The following KLF15 variants were observed in gnomAD, a reference collection of about 807,000 sequenced individuals.
The protein encoded by KLF15 is Krueppel-like factor 15.
Under a neutral mutation model 24.6 loss-of-function variants are expected in KLF15, and 4 were observed. The ratio of observed to expected loss-of-function variants is 0.16; its 90% CI spans 0.08 to 0.37. The LOEUF (loss-of-function observed/expected upper bound fraction) is 0.37. Ranked by LOEUF, KLF15 falls within the 10% of genes least tolerant of loss-of-function variation. The pLI, the probability that KLF15 is intolerant of heterozygous loss-of-function variation, is 1.00. For missense variants in KLF15, 496 were observed against 560.6 expected (o/e 0.88, Z 1.16); for synonymous variants, 246 against 236.3 (o/e 1.04, Z -0.37).
the KLF15 span, among the ~76,000 whole-genome samples, chr3:126,334,280 G>A: frequency 7.3e-5 from 11 of 150,074 alleles, no homozygotes; most frequent in African/African-American, 2.2e-4. Flanking sequence ...ACTCAAAGCC[G>A]CTCAACTACA....
At position 126,352,354 on chromosome 3, in the gene KLF15, T is replaced by C. The variant is rs1318456151; in HGVS notation, c.569A>G (p.Glu190Gly). ...ACCACCTGGTGGAGGGGAACAGCGC[T>C]CTCTCCCGCTGGACCCAGGATGGAG... ...SHLHPGSSGR[E>G]RCSPPPGGAS... The change falls in exon 2 of 3, where the codon GAG (glutamate) becomes GGG (glycine). Residue 190 changes from glutamate (E) to glycine (G), a missense_variant. Physicochemically the swap from Glu to Gly is moderately conservative, Grantham distance 98. Around this residue, in one of 3 missense-constraint regions of KLF15, gnomAD observed 399 missense variants for 423.1 expected, o/e 0.94. Coordinates refer to ENST00000296233, the MANE Select transcript of KLF15 (RefSeq NM_014079.4). The C allele has an allele frequency of 6.2e-7, 1 of 1,600,886 alleles. No individual in the cohort carries two copies. The highest frequency in any genetic ancestry group is 1.1e-5 in the South Asian group (1 of 88,844).
chr3:126,321,504 C>A, the KLF15 span, among the ~76,000 whole-genome samples: 1 of 152,208 alleles, frequency 6.6e-6, no homozygotes, highest in Non-Finnish European at 1.5e-5. Flanking sequence ...GTATAGGGAC[C>A]ACACATGCAT....
the KLF15 span, among the ~76,000 whole-genome samples, chr3:126,336,316 C>T: frequency 9.3e-4 from 111 of 119,654 alleles, no homozygotes; most frequent in African/African-American, 3.9e-3. Flanking sequence ...GAAAAACAAG[C>T]AATGGGGAAA....
intron 2 of KLF15, among the ~76,000 whole-genome samples, chr3:126,349,754 C>T (rs990636702): frequency 6.6e-6 from 1 of 152,182 alleles, no homozygotes; most frequent in African/African-American, 2.4e-5. Context: ...AACCTGAGCC[C>T]GACTAAGGAG....
the KLF15 span, among the ~76,000 whole-genome samples, chr3:126,298,080 C>T: frequency 6.6e-6 from 1 of 152,144 alleles, no homozygotes; most frequent in East Asian, 1.9e-4. Flanking sequence ...TGTAGAAATG[C>T]TCCCTTTTCA....
At chr3:126,326,652 T>C in the KLF15 span, among the ~76,000 whole-genome samples, 4 of 152,210 alleles carry the variant, frequency 2.6e-5, no homozygotes, top group Admixed American at 2.6e-4. Context: ...CTTTAGGCTG[T>C]GCCTAGGAGG....
At chr3:126,350,499 C>A (rs187667264) in intron 2 of KLF15, among the ~76,000 whole-genome samples, 2 of 152,342 alleles carry the variant, frequency 1.3e-5, no homozygotes, top group African/African-American at 4.8e-5. Flanking sequence ...AAGGTGGCAC[C>A]AGTGCCACAA....
Position 126,343,416 on chromosome 3 carries a change from ACT to A in KLF15, c.*309_*310del, listed in dbSNP as rs1333282218. Reference sequence around the variant, plus strand: ...GTGGGAGAAGGGCCAGGTCCCCAAAACTCTGCCTGCAACCAGCGGCTGCAGCA... The same window carrying A: ...GTGGGAGAAGGGCCAGGTCCCCAAAACTGCCTGCAACCAGCGGCTGCAGCA... On this transcript the variant is annotated 3_prime_UTR_variant, in exon 3 of 3. Transcript: ENST00000296233. 5.0e-5 allele frequency: 17 copies of A among 337,810 alleles called. No individual in the cohort carries two copies. Among genetic ancestry groups the A allele is most frequent in the African/African-American group, 3.5e-4 (16 of 45,578 alleles). 20.9% of individuals were successfully genotyped at this position (337,810 alleles called of 1,614,324 possible).
downstream of KLF15, among the ~76,000 whole-genome samples, chr3:126,340,173 C>G (rs546068723): frequency 4.7e-4 from 71 of 152,382 alleles, no homozygotes; most frequent in African/African-American, 1.7e-3. Flanking sequence ...GCCCTCTGCT[C>G]CTACCTCCTT....
intron 2 of KLF15, among the ~76,000 whole-genome samples, chr3:126,349,838 C>G (rs1216419405): frequency 1.3e-5 from 2 of 152,216 alleles, no homozygotes; most frequent in African/African-American, 4.8e-5. Flanking sequence ...GAGGAGAGTG[C>G]ATACAGGGTC....
At chr3:126,314,179 G>A in the KLF15 span, among the ~76,000 whole-genome samples, 5 of 152,038 alleles carry the variant, frequency 3.3e-5, no homozygotes, top group African/African-American at 1.2e-4. Flanking sequence ...GGCCTGCCCA[G>A]GATTCCTCAT....
chr3:126,314,174 G>T, the KLF15 span, among the ~76,000 whole-genome samples: 2 of 151,986 alleles, frequency 1.3e-5, no homozygotes, highest in Non-Finnish European at 2.9e-5. Flanking sequence ...CACAAGGCCT[G>T]CCCAGGATTC....
At chr3:126,323,421 A>ATAACATATATATTT in the KLF15 span, among the ~76,000 whole-genome samples, 1 of 35,470 alleles carries the variant, frequency 2.8e-5, no homozygotes, top group Non-Finnish European at 5.0e-5. Context: ...ATATATATAT[A>ATAACATATATATTT]TATATATATA....
At chr3:126,296,510 A>G in the KLF15 span, among the ~76,000 whole-genome samples, 1 of 152,250 alleles carries the variant, frequency 6.6e-6, no homozygotes, top group Non-Finnish European at 1.5e-5. Flanking sequence ...CCAGACTGCA[A>G]CATACATTCT....
At chr3:126,324,634 C>G in the KLF15 span, among the ~76,000 whole-genome samples, 7 of 140,664 alleles carry the variant, frequency 5.0e-5, no homozygotes, top group South Asian at 1.2e-3. Flanking sequence ...GATAGCCTTT[C>G]GTGATCACTT....
the KLF15 span, among the ~76,000 whole-genome samples, chr3:126,321,676 T>A: frequency 1.3e-5 from 2 of 152,196 alleles, no homozygotes; most frequent in Non-Finnish European, 2.9e-5. Context: ...AGTGGACATG[T>A]CCACAGTCCA....
At chr3:126,318,872 T>C in the KLF15 span, among the ~76,000 whole-genome samples, 5 of 152,332 alleles carry the variant, frequency 3.3e-5, no homozygotes, top group Admixed American at 2.6e-4. Context: ...GTGTACATTC[T>C]GTGGGTTTTG....
At chr3:126,307,713 G>T in the KLF15 span, among the ~76,000 whole-genome samples, 17 of 152,336 alleles carry the variant, frequency 1.1e-4, no homozygotes, top group East Asian at 1.5e-3. Context: ...TTAAGAACCA[G>T]AACAGGTCAT....
At chr3:126,347,297 C>T (rs2082542530) in intron 2 of KLF15, among the ~76,000 whole-genome samples, 1 of 152,174 alleles carries the variant, frequency 6.6e-6, no homozygotes, top group Non-Finnish European at 1.5e-5. Context: ...TTGTGCAGTT[C>T]ACAACCTGCC....
Sources: allele counts gnomAD v4.1 joint callset (sites outside exome capture counted in the v4.1 genomes callset), GRCh38; gene constraint gnomAD v4.1.1; regional missense constraint gnomAD v4.1.1; transcripts MANE v1.5; gene names NCBI Gene and HGNC (gene_info 2026-07-23, HGNC 2026-07-21).